The following TAOK2 variants were observed in gnomAD, a reference collection of about 807,000 sequenced individuals.
The protein encoded by TAOK2 is TAO kinase 2.
In TAOK2, 42 loss-of-function variants were observed where a neutral mutation model predicts 122.5. The observed-to-expected ratio is 0.34, with a 90% CI of 0.27 to 0.44. TAOK2 has a LOEUF of 0.44. Among genes scored for constraint, TAOK2 ranks in the 20% least tolerant of loss-of-function variants. The pLI, the probability that TAOK2 is intolerant of heterozygous loss-of-function variation, is 1.00. For missense variants in TAOK2, 1,264 were observed against 1,644.9 expected (o/e 0.77, Z 4.01); for synonymous variants, 704 against 677.6 (o/e 1.04, Z -0.61).
At chr16:29,989,354 C>T, downstream of TAOK2, 4 of 985,312 alleles carry the variant, frequency 4.1e-6, no homozygotes, top group Non-Finnish European at 4.8e-6. Context: ...CGAGACCTTC[C>T]TGATCTCTCT....
Position 29,977,850 on chromosome 16 carries a change from G to T in TAOK2, c.78G>T (p.Lys26Asn), listed in dbSNP as rs762280762. 2.5e-6 allele frequency: 4 copies of T among 1,614,204 alleles called. No individual in the cohort carries two copies. The South Asian group carries it at 4.4e-5, about 18-fold the overall frequency. Reference protein sequence around the residue: ...AELFFKDDPEKLFSDLREIGH... With the variant: ...AELFFKDDPENLFSDLREIGH... ...TCTTCTTCAAGGATGACCCAGAAAA[G>T]CTCTTCTCTGACCTCCGGGAAATTG... Residue 26 changes from lysine to asparagine, a missense_variant, in exon 2 of 16, where the codon AAG becomes AAT. This residue lies in a region of TAOK2 where 254 missense variants were observed against 503.8 expected (regional missense o/e 0.50). Coordinates refer to ENST00000308893, the MANE Select transcript of TAOK2 (RefSeq NM_016151.4).
intron 2 of TAOK2, 82 bp downstream of exon 2, chr16:29,977,986 C>G (rs2069506860): frequency 6.2e-7 from 1 of 1,611,368 alleles, no homozygotes; most frequent in South Asian, 1.1e-5. Context: ...TTGCACACTA[C>G]TCCATCACAC....
downstream of TAOK2, chr16:29,989,643 G>C (rs1410334985): frequency 1.4e-5 from 23 of 1,613,960 alleles, no homozygotes; most frequent in Admixed American, 3.8e-4. Flanking sequence ...GTAAGATCCA[G>C]ACTCGGCAGT....
rs376979156 is a variant in TAOK2, at chr16:29,985,423, C to T, written c.1633C>T (p.Arg545Trp). 1.2e-6 allele frequency: 2 copies of T among 1,607,718 alleles called. No individual in the cohort carries two copies. Among genetic ancestry groups the T allele is most frequent in the Non-Finnish European group, 1.7e-6 (2 of 1,177,276 alleles). ...GGCAGAGGCAGAAAAGCTGGCCCGG[C>T]GGCACCAGGCCATAGGTGAGAAGGA... ...FGAEAEKLARRHQAIGEKEAR... is the reference protein window; with the variant it reads ...FGAEAEKLARWHQAIGEKEAR... Residue 545 changes from arginine (R) to tryptophan (W), a missense_variant, in exon 14 of 16, where the codon CGG becomes TGG. Arg to Trp is a moderately radical substitution (Grantham distance 101). This residue lies in a region of TAOK2 where 64 missense variants were observed against 115.7 expected (regional missense o/e 0.55). Transcript: ENST00000308893. This position sits in a 1 kb window ranked among gnomAD's most constrained non-coding sequence, Gnocchi z 6.9.
At chr16:29,988,482 C>T, downstream of TAOK2, 2 of 1,213,076 alleles carry the variant, frequency 1.6e-6, no homozygotes, top group Non-Finnish European at 2.1e-6. Flanking sequence ...CGGCCCGGCT[C>T]CATGACCTCT....
At chr16:29,989,779 A>G (rs763315924), downstream of TAOK2, 3 of 1,613,846 alleles carry the variant, frequency 1.9e-6, no homozygotes, top group African/African-American at 1.3e-5. Flanking sequence ...TGACCAGTCC[A>G]TCTCAGAGAT....
chr16:29,989,922 A>C, downstream of TAOK2: 7 of 914,234 alleles, frequency 7.7e-6, no homozygotes, highest in Non-Finnish European at 1.2e-5. Flanking sequence ...TGGGAAACTC[A>C]CATACTCTCC....
In TAOK2 at chr16:29,986,533, T is replaced by G; in HGVS notation, c.2261T>G (p.Leu754Arg). The G allele has an allele frequency of 2.5e-6, 4 of 1,613,218 alleles. No homozygotes were observed. Among genetic ancestry groups the G allele is most frequent in the Non-Finnish European group, 3.4e-6 (4 of 1,179,604 alleles). ...KVRAGQRPPG[L>R]PLPIPGALGP... ...CGTGCAGGCCAGCGCCCCCCGGGCC[T>G]TCCACTCCCCATTCCTGGGGCTCTG... is the stretch of plus-strand genomic sequence containing the variant. The change falls in exon 16 of 16, where the codon CTT becomes CGT. Residue 754 changes from leucine (L) to arginine (R), a missense_variant. Transcript: ENST00000308893. The surrounding 1 kb of genome is among the most constrained non-coding windows in gnomAD (Gnocchi z 4.2).
Position 29,987,256 on chromosome 16 carries a change from G to A in TAOK2, c.2984G>A (p.Gly995Glu). The A allele has an allele frequency of 4.6e-6, 7 of 1,530,680 alleles. No individual in the cohort carries two copies. The highest frequency in any genetic ancestry group is 6.1e-6 in the Non-Finnish European group (7 of 1,143,998). The allele number at this position is 1,530,680 out of a possible 1,614,324, so 94.8% of individuals were successfully genotyped here. A position where few individuals can be genotyped will look rare whatever the true frequency, so the allele number is the denominator to read the frequency against. Residue 995 changes from glycine to glutamate, a missense_variant, in exon 16 of 16, where the codon GGG becomes GAG. By Grantham distance (98) the Gly-to-Glu change is moderately conservative. This residue lies in a region of TAOK2 where 824 missense variants were observed against 908.7 expected (regional missense o/e 0.91). Transcript: ENST00000308893. Reference protein sequence around the residue: ...LQAALLALEVGLVGLGASYLL... With the variant: ...LQAALLALEVELVGLGASYLL... Reference sequence around the variant, plus strand: ...GCAGCGCTGCTGGCCCTTGAGGTGGGGCTGGTGGGTCTGGGGGCCTCCTAC... The same window carrying A: ...GCAGCGCTGCTGGCCCTTGAGGTGGAGCTGGTGGGTCTGGGGGCCTCCTAC...
chr16:29,978,216 C>G, intron 3 of TAOK2, 36 bp from the exon 4 acceptor site: 3 of 1,613,886 alleles, frequency 1.9e-6, no homozygotes, highest in Non-Finnish European at 2.5e-6. Flanking sequence ...TCTCAAGATG[C>G]AAGCTGGGTA....
chr16:29,983,854 A>G (rs2069699124), intron 13 of TAOK2, among the ~76,000 whole-genome samples, 190 bp downstream of exon 13: 1 of 152,054 alleles, frequency 6.6e-6, no homozygotes. Context: ...TTTTGGTCAT[A>G]TGGCCCAATC....
At chr16:29,981,633 C>G in intron 8 of TAOK2, 28 bp from the exon 9 acceptor site, 2 of 1,610,820 alleles carry the variant, frequency 1.2e-6, no homozygotes, top group Non-Finnish European at 1.7e-6. Context: ...CCACCTCTCA[C>G]CTTCTTCCCT....
rs2069759439 is a variant in TAOK2, at chr16:29,985,584, C to A, written c.1788+6C>A. 6.2e-7 allele frequency: 1 copy of A among 1,602,154 alleles called. No homozygotes were observed. The highest frequency in any genetic ancestry group is 8.5e-7 in the Non-Finnish European group (1 of 1,172,208). On this transcript the variant is annotated splice_donor_region_variant and intron_variant, in intron 14 of 15. Coordinates refer to ENST00000308893, the MANE Select transcript of TAOK2 (RefSeq NM_016151.4). This position sits in a 1 kb window ranked among gnomAD's most constrained non-coding sequence, Gnocchi z 6.9. The stretch of plus-strand genomic sequence containing the variant: ...GCAAGGAACAGCTGAAGGAGGTGAG[C>A]TAGGGCTGCTTGGGGGCGGAGCCGA...
intron 8 of TAOK2, chr16:29,980,854 G>T (rs1016390271): frequency 6.6e-6 from 1 of 152,200 alleles, no homozygotes; most frequent in Non-Finnish European, 1.5e-5. Context: ...TATCAGGGAA[G>T]CAGTGTGGAG....
chr16:29,973,904 A>T lies in TAOK2; in HGVS notation c.-780A>T, dbSNP rs1407351670. Reference sequence around the variant, plus strand: ...AATTGGGAGGAAGAGGGAGAGGGAGACCGGGACGAGACCGGGGCTGTGGTG... The same window carrying T: ...AATTGGGAGGAAGAGGGAGAGGGAGTCCGGGACGAGACCGGGGCTGTGGTG... On this transcript the variant is annotated 5_prime_UTR_variant, in exon 1 of 16. Coordinates refer to ENST00000308893, the MANE Select transcript of TAOK2 (RefSeq NM_016151.4). 2.0e-5 allele frequency: 3 copies of T among 152,508 alleles called. No homozygotes were observed. Among genetic ancestry groups the T allele is most frequent in the Non-Finnish European group, 4.4e-5 (3 of 68,224 alleles). 9.4% of individuals were successfully genotyped at this position (152,508 alleles called of 1,614,324 possible).
chr16:29,987,956 C>T lies in TAOK2; in HGVS notation c.3684C>T (p.Ser1228=). The part of the protein sequence containing the change: ...LAGRRSRTRQ[S]RALPPWR ...GGCGGAGGTCACGCACCCGCCAGTC[C>T]CGGGCCCTGCCCCCCTGGAGGTAGC... The change falls in exon 16 of 16, where the codon TCC becomes TCT. Residue 1228 remains serine, a synonymous_variant. Coordinates refer to ENST00000308893, the MANE Select transcript of TAOK2 (RefSeq NM_016151.4). The T allele has an allele frequency of 6.5e-7, 1 of 1,542,724 alleles. No individual in the cohort carries two copies. The highest frequency in any genetic ancestry group is 1.2e-5 in the South Asian group (1 of 81,356).
At position 29,985,995 on chromosome 16, in the gene TAOK2, CT is replaced by C; in HGVS notation, c.1992+138del. The C allele has an allele frequency of 2.5e-6, 3 of 1,179,410 alleles. No individual in the cohort carries two copies. Among genetic ancestry groups the C allele is most frequent in the Non-Finnish European group, 2.4e-6 (2 of 843,204 alleles). The allele number at this position is 1,179,410 out of a possible 1,614,324, so 73.1% of individuals were successfully genotyped here. A position where few individuals can be genotyped will look rare whatever the true frequency, so the allele number is the denominator to read the frequency against. On this transcript the variant is annotated intron_variant, in intron 15 of 15. Coordinates refer to ENST00000308893, the MANE Select transcript of TAOK2 (RefSeq NM_016151.4). This position sits in a 1 kb window ranked among gnomAD's most constrained non-coding sequence, Gnocchi z 6.9. Reference sequence around the variant, plus strand: ...ACAGTTCAGCTTTGCTTCAGTGCCCCTTTTACTTCTCATCCCCAACAGACCC... The same window carrying C: ...ACAGTTCAGCTTTGCTTCAGTGCCCCTTTACTTCTCATCCCCAACAGACCC...
At position 29,987,564 on chromosome 16, in the gene TAOK2, C is replaced by T. The variant is rs761440065; in HGVS notation, c.3292C>T (p.Arg1098Trp). 9.2e-5 allele frequency: 148 copies of T among 1,612,556 alleles called. No homozygotes were observed. Among genetic ancestry groups the T allele is most frequent in the African/African-American group, 1.7e-4 (13 of 74,884 alleles). ...GCTGCGCCTGTCACCCATGGCCTTC[C>T]GGGCCCTGCAGGGCTGTGGGGCTGT... ...VLLRLSPMAF[R>W]ALQGCGAVGD... The change falls in exon 16 of 16, where the codon CGG becomes TGG. Residue 1098 changes from arginine (R) to tryptophan (W), a missense_variant. Physicochemically the swap from Arg to Trp is moderately radical, Grantham distance 101. This residue lies in a region of TAOK2 where 824 missense variants were observed against 908.7 expected (regional missense o/e 0.91). Coordinates refer to ENST00000308893, the MANE Select transcript of TAOK2 (RefSeq NM_016151.4).
chr16:29,985,418 C>G lies in TAOK2; in HGVS notation c.1628C>G (p.Ala543Gly). 8.1e-6 allele frequency: 13 copies of G among 1,608,154 alleles called. No individual in the cohort carries two copies. The highest frequency in any genetic ancestry group is 1.1e-5 in the Non-Finnish European group (13 of 1,177,412). The change falls in exon 14 of 16, where the codon GCC (alanine) becomes GGC (glycine). Residue 543 changes from alanine (A) to glycine (G), a missense_variant. By Grantham distance (60) the Ala-to-Gly change is moderately conservative. Coordinates refer to ENST00000308893, the MANE Select transcript of TAOK2 (RefSeq NM_016151.4). This position sits in a 1 kb window ranked among gnomAD's most constrained non-coding sequence, Gnocchi z 6.9. ...AGFGAEAEKL[A>G]RRHQAIGEKE... is the part of the protein sequence containing the mutation. ...TTTGGGGCAGAGGCAGAAAAGCTGG[C>G]CCGGCGGCACCAGGCCATAGGTGAG...
Sources: gnomAD v4.1 joint callset for allele counts (sites outside exome capture counted in the v4.1 genomes callset) on GRCh38, gnomAD v4.1.1 for gene constraint, gnomAD v4.1.1 regional missense constraint, Gnocchi (gnomAD v3.1) non-coding constraint, MANE v1.5 for transcripts, NCBI Gene and HGNC (gene_info 2026-07-23, HGNC 2026-07-21) for gene names.